PPP1R42: variants seen among roughly 807,000 people sequenced by gnomAD.
PPP1R42 encodes leucine rich repeat containing 67.
Under a neutral mutation model 31.0 loss-of-function variants are expected in PPP1R42, and 34 were observed. That is an observed-to-expected ratio of 1.10 (90% CI 0.83 to 1.46). The LOEUF (loss-of-function observed/expected upper bound fraction) is 1.46. Ranked by LOEUF, PPP1R42 falls within the 40% of genes most tolerant of loss-of-function variation. The pLI is 0.00. For synonymous variants in PPP1R42, 103 were observed against 109.8 expected (o/e 0.94, Z 0.39); for missense variants, 268 against 303.0 (o/e 0.88, Z 0.86).
intron 1 of PPP1R42, 117 bp from the exon 2 acceptor site, chr8:67,017,948 G>A: frequency 2.3e-6 from 1 of 429,442 alleles, no homozygotes; most frequent in East Asian, 4.2e-5. Context: ...CTAGTTTATA[G>A]ACATTTTTAG....
At chr8:67,012,704 A>G (rs1218274560) in intron 4 of PPP1R42, among the ~76,000 whole-genome samples, 1 of 152,222 alleles carries the variant, frequency 6.6e-6, no homozygotes, top group Non-Finnish European at 1.5e-5. Flanking sequence ...ACTTCAGTTA[A>G]CATACCTTTT....
chr8:66,985,552 T>C, intron 6 of PPP1R42: 2 of 1,322,946 alleles, frequency 1.5e-6, no homozygotes, highest in Non-Finnish European at 2.2e-6. Flanking sequence ...CATGTTGGCA[T>C]TGCTGATGAG....
chr8:66,988,196 T>C (rs1424571101), intron 6 of PPP1R42: 4 of 1,200,586 alleles, frequency 3.3e-6, no homozygotes, highest in Non-Finnish European at 4.1e-6. Flanking sequence ...TATCAGGTGC[T>C]TTAATTACTT....
At chr8:66,984,897 C>T (rs1814958057) in intron 6 of PPP1R42, 1 of 1,556,352 alleles carries the variant, frequency 6.4e-7, no homozygotes. Context: ...TTTTCTGTTC[C>T]TTCTTGGTAA....
At chr8:67,028,411 G>T in intron 1 of PPP1R42, 80 bp downstream of exon 1, 2 of 803,056 alleles carry the variant, frequency 2.5e-6, no homozygotes, top group Non-Finnish European at 3.0e-6. Context: ...GTCCCGGAAA[G>T]TCTTACTGGC....
intron 7 of PPP1R42, among the ~76,000 whole-genome samples, chr8:66,977,517 C>G (rs528304944): frequency 6.6e-6 from 1 of 151,462 alleles, no homozygotes; most frequent in Non-Finnish European, 1.5e-5. Context: ...TTCTTTCTTT[C>G]TTTTTTTAGA....
intron 5 of PPP1R42, among the ~76,000 whole-genome samples, chr8:67,006,809 C>T (rs1028007565): frequency 1.6e-5 from 2 of 127,394 alleles, no homozygotes; most frequent in Non-Finnish European, 1.5e-5. Flanking sequence ...TGCAGTGGTG[C>T]GATCTCGGCT....
chr8:66,982,255 C>T, intron 6 of PPP1R42, 75 bp from the exon 7 acceptor site: 1 of 692,034 alleles, frequency 1.4e-6, no homozygotes, highest in South Asian at 4.7e-5. Flanking sequence ...ACTTCTGGTT[C>T]AGAGCACAGA....
At chr8:67,004,085 GT>G (rs1322928205) in intron 5 of PPP1R42, among the ~76,000 whole-genome samples, 1 of 144,908 alleles carries the variant, frequency 6.9e-6, no homozygotes, top group African/African-American at 2.6e-5. Flanking sequence ...GCGAGACTCC[GT>G]CTCAAAAAAA....
At chr8:66,973,326 C>T (rs552010041) in intron 7 of PPP1R42, among the ~76,000 whole-genome samples, 3 of 151,042 alleles carry the variant, frequency 2.0e-5, no homozygotes, top group East Asian at 3.9e-4. Flanking sequence ...TTTTTTGAGA[C>T]GATGTCTTGC....
chr8:66,988,115 C>A, intron 6 of PPP1R42: 8 of 1,034,708 alleles, frequency 7.7e-6, no homozygotes, highest in Non-Finnish European at 9.3e-6. Context: ...GGCAAAAGGT[C>A]AGCAAGTTCT....
intron 6 of PPP1R42, chr8:66,984,783 C>A: frequency 1.2e-6 from 2 of 1,608,712 alleles, no homozygotes; most frequent in Non-Finnish European, 1.7e-6. Context: ...ATACTCGCAT[C>A]AAATTAGAAA....
intron 7 of PPP1R42, among the ~76,000 whole-genome samples, chr8:66,974,035 C>T (rs1313153715): frequency 2.0e-5 from 3 of 152,262 alleles, no homozygotes; most frequent in Non-Finnish European, 2.9e-5. Flanking sequence ...GTGAATAGTG[C>T]TGCAATGAAC....
At chr8:66,966,416 C>A (rs886919860) in intron 7 of PPP1R42, among the ~76,000 whole-genome samples, 5 of 152,200 alleles carry the variant, frequency 3.3e-5, no homozygotes, top group African/African-American at 1.2e-4. Flanking sequence ...TCTGATTGTA[C>A]CTCTTCAAGC....
chr8:67,017,695 CG>C lies in PPP1R42; in HGVS notation c.52del (p.Arg18GlufsTer10). 1 of 1,599,898 alleles carries C rather than the reference CG, an allele frequency of 6.3e-7. No homozygotes were observed. Among genetic ancestry groups the C allele is most frequent in the East Asian group, 2.3e-5 (1 of 44,146 alleles). ...LIARNSNLKP[R>X]KEETISQCLK... Reference sequence around the variant, plus strand: ...GCACTGTGAAATGGTTTCTTCTTTTCGGGGTTTAAGATTGCTGTTTCTGGCA... The same window carrying C: ...GCACTGTGAAATGGTTTCTTCTTTTCGGGTTTAAGATTGCTGTTTCTGGCA... On this transcript the variant is annotated frameshift_variant, in exon 2 of 8. Coordinates refer to ENST00000685739, the MANE Select transcript of PPP1R42 (RefSeq NM_001364910.1). LOFTEE classifies it high-confidence loss of function.
intron 7 of PPP1R42, among the ~76,000 whole-genome samples, chr8:66,975,225 CAT>C (rs770638380): frequency 2.0e-5 from 3 of 152,200 alleles, no homozygotes; most frequent in African/African-American, 7.2e-5. Context: ...TCGTTTTCAG[CAT>C]ATGTCTTTCA....
Position 67,017,758 on chromosome 8 carries a change from T to A in PPP1R42, c.-11A>T, listed in dbSNP as rs749429401. 3.2e-6 allele frequency: 5 copies of A among 1,571,558 alleles called. No homozygotes were observed. In the East Asian group the frequency reaches 1.1e-4, roughly 36 times the overall value. On this transcript the variant is annotated 5_prime_UTR_variant, in exon 2 of 8. Coordinates refer to ENST00000685739, the MANE Select transcript of PPP1R42 (RefSeq NM_001364910.1). ...GGTCAGTCGAACCATAATTTCTTTA[T>A]AAATCAAACTCTCAGCAAAAGCTCT...
At chr8:67,019,435 T>A (rs1816138267) in intron 1 of PPP1R42, among the ~76,000 whole-genome samples, 1 of 147,658 alleles carries the variant, frequency 6.8e-6, no homozygotes, top group Non-Finnish European at 1.5e-5. Context: ...GACACGGGTT[T>A]CACCATCTTG....
At chr8:66,985,191 C>G (rs181731230) in intron 6 of PPP1R42, 1 of 1,128,746 alleles carries the variant, frequency 8.9e-7, no homozygotes, top group Non-Finnish European at 1.4e-6. Flanking sequence ...CCAGTTGAGC[C>G]TTTGTCCTTA....
Sources: gnomAD v4.1 joint callset for allele counts (sites outside exome capture counted in the v4.1 genomes callset) on GRCh38, gnomAD v4.1.1 for gene constraint, MANE v1.5 for transcripts, NCBI Gene and HGNC (gene_info 2026-07-23, HGNC 2026-07-21) for gene names.